FBN1: variants seen among roughly 807,000 people sequenced by gnomAD.
FBN1 encodes the protein fibrillin-1.
A neutral mutation model predicts 365.1 loss-of-function variants in FBN1; 29 were observed. The observed-to-expected ratio is 0.08, with a 90% confidence interval of 0.06 to 0.11. The LOEUF is 0.11. FBN1 is among the 10% of genes least tolerant of loss of function. The pLI is 1.00. For synonymous variants in FBN1, 1,210 were observed against 1,270.5 expected (o/e 0.95, Z 1.01); for missense variants, 2,476 against 3,703.2 (o/e 0.67, Z 8.60).
Position 48,644,842 on chromosome 15 carries a change from C to G in FBN1, c.-73G>C, listed in dbSNP as rs1890266393. On this transcript the variant is annotated 5_prime_UTR_variant, in exon 2 of 66. Transcript: ENST00000316623. ...CTCGGTCTGCGGCCGCCGCTGCGCCCTGAAGCGCACCGCGCCGCCGGGGTC... is the reference window on the plus strand; with the variant it reads ...CTCGGTCTGCGGCCGCCGCTGCGCCGTGAAGCGCACCGCGCCGCCGGGGTC... 1 of 1,371,338 alleles carries G rather than the reference C, an allele frequency of 7.3e-7. No individual in the cohort carries two copies. Among genetic ancestry groups the G allele is most frequent in the African/African-American group, 1.5e-5 (1 of 65,084 alleles). 84.9% of individuals were successfully genotyped at this position (1,371,338 alleles called of 1,614,324 possible).
At chr15:48,413,457 A>G (rs957145001) in intron 64 of FBN1, among the ~76,000 whole-genome samples, 1 of 152,238 alleles carries the variant, frequency 6.6e-6, no homozygotes, top group Non-Finnish European at 1.5e-5. Context: ...CATGCCCAAG[A>G]GAGAACTCGT....
intron 36 of FBN1, 136 bp from the exon 37 acceptor site, chr15:48,468,670 A>G (rs369455028): frequency 8.3e-6 from 7 of 841,536 alleles, no homozygotes; most frequent in South Asian, 7.3e-5. Context: ...CTAGAAATGC[A>G]GTCTTCCACT....
chr15:48,460,823 C>A (rs935714510), intron 42 of FBN1, among the ~76,000 whole-genome samples: 21 of 152,290 alleles, frequency 1.4e-4, no homozygotes, highest in African/African-American at 4.6e-4. Flanking sequence ...GTTTTTGGAG[C>A]TGGATTTCAT....
Position 48,547,782 on chromosome 15 carries a change from G to T in FBN1, c.539-9974C>A, listed in dbSNP as rs555338652. On this transcript the variant is annotated intron_variant, in intron 6 of 65. Transcript: ENST00000316623. ...ACACACACACACACACACAGTCACA[G>T]AAGCATGCTAACATACTATCAAGGT... 3.7e-5 allele frequency among the ~76,000 whole-genome samples: 5 copies of T among 133,598 alleles called. No individual in the cohort carries two copies. The South Asian group carries it at 1.3e-3, about 35-fold the overall frequency. The allele number at this position is 133,598 out of a possible 152,430, so 87.6% of individuals were successfully genotyped here.
chr15:48,500,872 A>C (rs2043648965), intron 17 of FBN1, among the ~76,000 whole-genome samples: 1 of 152,208 alleles, frequency 6.6e-6, no homozygotes, highest in Admixed American at 6.5e-5. Context: ...CAGACCACAA[A>C]GATGAACTTC....
chr15:48,586,438 A>G (rs2044435689), intron 6 of FBN1, among the ~76,000 whole-genome samples: 1 of 152,162 alleles, frequency 6.6e-6, no homozygotes, highest in Non-Finnish European at 1.5e-5. Flanking sequence ...ACCAGTATAG[A>G]AAAGGGAGCT....
intron 3 of FBN1, 60 bp downstream of exon 3, chr15:48,612,950 C>T: frequency 8.1e-7 from 1 of 1,232,516 alleles, no homozygotes; most frequent in East Asian, 2.3e-5. Flanking sequence ...CTAAGGCTCC[C>T]CATGCAACCA....
chr15:48,627,057 T>C (rs1238954614), intron 2 of FBN1, among the ~76,000 whole-genome samples: 1 of 152,194 alleles, frequency 6.6e-6, no homozygotes, highest in Non-Finnish European at 1.5e-5. Flanking sequence ...AAAGACTTTA[T>C]TAATAACATT....
At chr15:48,530,599 T>C (rs753911635) in intron 8 of FBN1, among the ~76,000 whole-genome samples, 8 of 151,926 alleles carry the variant, frequency 5.3e-5, no homozygotes, top group Non-Finnish European at 1.0e-4. Flanking sequence ...AGAGAGCCAG[T>C]TACCTTGAAC....
Position 48,456,624 on chromosome 15 carries a change from T to A in FBN1, c.5422+13A>T, listed in dbSNP as rs546404087. 31 of 1,613,196 alleles carry A rather than the reference T, an allele frequency of 1.9e-5. No homozygotes were observed. The South Asian group carries it at 3.4e-4, about 18-fold the overall frequency. The stretch of plus-strand genomic sequence containing the variant: ...CTCTTTTCTGGATATGATAAAGTCA[T>A]GATGCCACTTACCTTCACAAACCAA... On this transcript the variant is annotated intron_variant, in intron 44 of 65. Coordinates refer to ENST00000316623, the MANE Select transcript of FBN1 (RefSeq NM_000138.5).
intron 6 of FBN1, among the ~76,000 whole-genome samples, chr15:48,566,983 T>G (rs2044262495): frequency 6.6e-6 from 1 of 152,168 alleles, no homozygotes; most frequent in African/African-American, 2.4e-5. Context: ...ACCCGGGAGT[T>G]TGATGGAAAT....
intron 2 of FBN1, among the ~76,000 whole-genome samples, chr15:48,640,097 T>C (rs755070427): frequency 6.6e-6 from 1 of 152,172 alleles, no homozygotes; most frequent in Non-Finnish European, 1.5e-5. Flanking sequence ...CCAAATAAGG[T>C]TGAAGGGAAG....
intron 24 of FBN1, 103 bp from the exon 25 acceptor site, chr15:48,490,181 C>T (rs1566910412): frequency 9.9e-7 from 1 of 1,006,692 alleles, no homozygotes. Context: ...TAATAATTTG[C>T]TGTATACTTA....
intron 2 of FBN1, among the ~76,000 whole-genome samples, chr15:48,629,067 G>GGACT (rs1363022247): frequency 1.3e-5 from 2 of 152,210 alleles, no homozygotes; most frequent in African/African-American, 4.8e-5. Context: ...TGTGGTCCAA[G>GGACT]GACTGGCCAG....
At chr15:48,500,289 G>C (rs923613359) in intron 17 of FBN1, among the ~76,000 whole-genome samples, 1 of 152,204 alleles carries the variant, frequency 6.6e-6, no homozygotes, top group Non-Finnish European at 1.5e-5. Context: ...TGACAATTTT[G>C]CTGATGTTTG....
rs1268738664 is a variant in FBN1, at chr15:48,408,343, C to T, written c.*2647G>A. The T allele has an allele frequency of 2.0e-5, 3 of 152,602 alleles. No homozygotes were observed. The highest frequency in any genetic ancestry group is 4.8e-5 in the African/African-American group (2 of 41,434). 9.5% of individuals were successfully genotyped at this position (152,602 alleles called of 1,614,324 possible). A position where few individuals can be genotyped will look rare whatever the true frequency, so the allele number is the denominator to read the frequency against. On this transcript the variant is annotated 3_prime_UTR_variant, in exon 66 of 66. Transcript: ENST00000316623. Reference sequence around the variant, plus strand: ...CCAATTGTCCTTTATTTTGGCTCATCTAATTTACAGACATGATTTCTGAAG... The same window carrying T: ...CCAATTGTCCTTTATTTTGGCTCATTTAATTTACAGACATGATTTCTGAAG...
intron 53 of FBN1, among the ~76,000 whole-genome samples, chr15:48,436,249 A>G (rs2043070999): frequency 6.6e-6 from 1 of 152,214 alleles, no homozygotes; most frequent in Non-Finnish European, 1.5e-5. Context: ...TTATATTCTA[A>G]GGCCTAGAAA....
chr15:48,594,148 G>A (rs1454826122), intron 6 of FBN1, among the ~76,000 whole-genome samples: 2 of 152,264 alleles, frequency 1.3e-5, no homozygotes, highest in East Asian at 3.9e-4. Context: ...TTTCATAAGA[G>A]CAGCAAACAG....
rs78871454 is a variant in FBN1, at chr15:48,493,278, C to G, written c.2729-692G>C. 4.8e-3 allele frequency among the ~76,000 whole-genome samples: 730 copies of G among 151,856 alleles called. 6 individuals are homozygous for G. The highest frequency in any genetic ancestry group is 0.017 in the African/African-American group (690 of 41,380). On this transcript the variant is annotated intron_variant, in intron 23 of 65. Coordinates refer to ENST00000316623, the MANE Select transcript of FBN1 (RefSeq NM_000138.5). ...CTTAATTTGGAAAAGTATTCACCAC[C>G]AAGTTAATCAAAAGAAAGGCACTTA...
Sources: gnomAD v4.1 joint callset for allele counts (sites outside exome capture counted in the v4.1 genomes callset) on GRCh38, gnomAD v4.1.1 for gene constraint, MANE v1.5 for transcripts, NCBI Gene and HGNC (gene_info 2026-07-23, HGNC 2026-07-21) for gene names.